PLEKHG7: variants seen among roughly 807,000 people sequenced by gnomAD.
The protein encoded by PLEKHG7 is pleckstrin homology and RhoGEF domain containing G7.
A neutral mutation model predicts 85.2 loss-of-function variants in PLEKHG7; 77 were observed. The observed-to-expected ratio is 0.90, with a 90% CI of 0.75 to 1.09. The LOEUF (loss-of-function observed/expected upper bound fraction) is 1.09. PLEKHG7 is among the 50% of genes least tolerant of loss of function. The probability of loss-of-function intolerance (pLI) is 0.00; values close to 1 mark genes in which losing one functional copy is unlikely to be tolerated. For missense variants in PLEKHG7, 777 were observed against 804.3 expected, an observed-to-expected ratio of 0.97 and a Z score of 0.41; for synonymous variants, 301 against 302.4, an observed-to-expected ratio of 1.00 and a Z score of 0.05.
intron 10 of PLEKHG7, among the ~76,000 whole-genome samples, chr12:92,745,881 T>C (rs1034839470): frequency 2.0e-5 from 3 of 152,326 alleles, no homozygotes. Flanking sequence ...TAGAAATTGG[T>C]ACATTGTAAG....
chr12:92,710,335 C>G (rs1233192670), intron 3 of PLEKHG7, among the ~76,000 whole-genome samples: 1 of 152,226 alleles, frequency 6.6e-6, no homozygotes, highest in Non-Finnish European at 1.5e-5. Context: ...TTCTGTCAAT[C>G]TAGCTGCTTC....
intron 3 of PLEKHG7, among the ~76,000 whole-genome samples, chr12:92,724,640 T>C (rs1374593220): frequency 6.6e-6 from 1 of 152,198 alleles, no homozygotes; most frequent in African/African-American, 2.4e-5. Flanking sequence ...TTGCAAGAGT[T>C]GTGATATATG....
chr12:92,728,850 C>A, intron 3 of PLEKHG7, 143 bp from the exon 4 acceptor site: 1 of 572,998 alleles, frequency 1.7e-6, no homozygotes, highest in Non-Finnish European at 2.6e-6. Flanking sequence ...TGAACTAATT[C>A]ACATTCCCAC....
chr12:92,740,410 T>C (rs1872317522), intron 7 of PLEKHG7, among the ~76,000 whole-genome samples: 1 of 152,206 alleles, frequency 6.6e-6, no homozygotes, highest in Non-Finnish European at 1.5e-5. Flanking sequence ...TTATCAGAGA[T>C]TAACTCATTA....
In PLEKHG7 at chr12:92,755,873, G is replaced by T. The variant is rs762846885; in HGVS notation, c.1475G>T (p.Arg492Ile). Residue 492 changes from arginine to isoleucine, a missense_variant, in exon 12 of 17, where the codon AGA (arginine) becomes ATA (isoleucine). Transcript: ENST00000344636. Reference sequence around the variant, plus strand: ...TGGCTGGACAATTTCCAAAAATTTAGATATCTACAGGAGATTATAGTGTGG... The same window carrying T: ...TGGCTGGACAATTTCCAAAAATTTATATATCTACAGGAGATTATAGTGTGG... ...VKWLDNFQKF[R>I]YLQEIIVWPP... is the part of the protein sequence containing the mutation. 6.2e-6 allele frequency: 10 copies of T among 1,613,640 alleles called. No individual in the cohort carries two copies. The highest frequency in any genetic ancestry group is 8.5e-6 in the Non-Finnish European group (10 of 1,179,834).
At chr12:92,704,737 T>C (rs1315705138) in intron 1 of PLEKHG7, among the ~76,000 whole-genome samples, 1 of 152,192 alleles carries the variant, frequency 6.6e-6, no homozygotes, top group Non-Finnish European at 1.5e-5. Flanking sequence ...TTAGTTTCAT[T>C]TGGCATTTTA....
chr12:92,727,960 GTGTATA>G (rs1297555263), intron 3 of PLEKHG7, among the ~76,000 whole-genome samples: 71 of 103,876 alleles, frequency 6.8e-4, no homozygotes, highest in African/African-American at 2.5e-3. Flanking sequence ...GTGTGTGTGT[GTGTATA>G]TATATATATA....
chr12:92,741,938 C>A (rs1273026774), intron 9 of PLEKHG7, among the ~76,000 whole-genome samples: 2 of 152,132 alleles, frequency 1.3e-5, no homozygotes, highest in African/African-American at 4.8e-5. Flanking sequence ...AACGAAAGTA[C>A]CAATTTCTCA....
At chr12:92,713,430 G>C (rs1036728729) in intron 3 of PLEKHG7, among the ~76,000 whole-genome samples, 1 of 152,142 alleles carries the variant, frequency 6.6e-6, no homozygotes, top group Non-Finnish European at 1.5e-5. Flanking sequence ...TCTGATTGCC[G>C]CTTTGCCTCT....
intron 10 of PLEKHG7, among the ~76,000 whole-genome samples, chr12:92,751,482 C>T (rs977413013): frequency 4.6e-5 from 7 of 152,124 alleles, no homozygotes; most frequent in Admixed American, 1.3e-4. Context: ...TCTCCCACCT[C>T]AGCTTCCTGC....
intron 6 of PLEKHG7, among the ~76,000 whole-genome samples, chr12:92,736,999 G>C (rs551199794): frequency 6.6e-6 from 1 of 152,244 alleles, no homozygotes; most frequent in Non-Finnish European, 1.5e-5. Context: ...ACGGAACCTG[G>C]AATCAGACTT....
At chr12:92,703,706 T>A (rs1198813424) in intron 1 of PLEKHG7, among the ~76,000 whole-genome samples, 1 of 152,270 alleles carries the variant, frequency 6.6e-6, no homozygotes, top group Non-Finnish European at 1.5e-5. Flanking sequence ...CCCTAAGCCC[T>A]GCTGTTTTTA....
intron 5 of PLEKHG7, 65 bp downstream of exon 5, chr12:92,732,338 G>T: frequency 2.1e-6 from 2 of 963,106 alleles, no homozygotes; most frequent in South Asian, 5.3e-5. Flanking sequence ...AGTAAGAAAT[G>T]GCTGAAGAGT....
intron 3 of PLEKHG7, among the ~76,000 whole-genome samples, chr12:92,713,224 A>T (rs1306875176): frequency 1.3e-5 from 2 of 152,198 alleles, no homozygotes; most frequent in African/African-American, 4.8e-5. Flanking sequence ...CTGGGTTTGT[A>T]AACTGGCTCA....
chr12:92,713,775 G>A (rs1486462934), intron 3 of PLEKHG7, among the ~76,000 whole-genome samples: 3 of 152,126 alleles, frequency 2.0e-5, no homozygotes, highest in African/African-American at 4.8e-5. Context: ...ATTAAACTGA[G>A]GGAGATGAGG....
intron 16 of PLEKHG7, among the ~76,000 whole-genome samples, chr12:92,769,836 C>G (rs1873349524): frequency 6.6e-6 from 1 of 152,094 alleles, no homozygotes; most frequent in Non-Finnish European, 1.5e-5. Flanking sequence ...ACTATTGTTT[C>G]TTGATTACTC....
intron 3 of PLEKHG7, among the ~76,000 whole-genome samples, chr12:92,726,459 G>T (rs1286133589): frequency 2.6e-5 from 4 of 152,156 alleles, no homozygotes; most frequent in Non-Finnish European, 4.4e-5. Flanking sequence ...TTATTTGTTG[G>T]TGAAAATATA....
intron 9 of PLEKHG7, among the ~76,000 whole-genome samples, chr12:92,743,767 C>G (rs1365840791): frequency 6.6e-6 from 1 of 152,086 alleles, no homozygotes; most frequent in Non-Finnish European, 1.5e-5. Flanking sequence ...ATCATATTGG[C>G]CAGGCTGCTC....
intron 10 of PLEKHG7, among the ~76,000 whole-genome samples, chr12:92,751,084 C>T (rs1872679375): frequency 6.6e-6 from 1 of 152,166 alleles, no homozygotes; most frequent in Admixed American, 6.5e-5. Context: ...ATTTATAGGT[C>T]GATTTCAGGC....
Sources: allele counts gnomAD v4.1 joint callset (sites outside exome capture counted in the v4.1 genomes callset), GRCh38; gene constraint gnomAD v4.1.1; transcripts MANE v1.5; gene names NCBI Gene and HGNC (gene_info 2026-07-23, HGNC 2026-07-21).